The following STX18 variants were observed in gnomAD, a reference collection of about 807,000 sequenced individuals.
STX18 encodes syntaxin 18, also known as syntaxin-18.
STX18 carries 40 observed loss-of-function variants against 50.1 expected under a neutral mutation model. The observed-to-expected ratio is 0.80, with a 90% CI of 0.62 to 1.04. The LOEUF (loss-of-function observed/expected upper bound fraction) is 1.04. Among genes scored for constraint, STX18 ranks in the 50% least tolerant of loss-of-function variants. The pLI, the probability that STX18 is intolerant of heterozygous loss-of-function variation, is 0.00. For missense variants in STX18, 410 were observed against 415.8 expected (o/e 0.99, Z 0.12); for synonymous variants, 158 against 151.8 (o/e 1.04, Z -0.30).
intron 2 of STX18, among the ~76,000 whole-genome samples, chr4:4,464,917 T>G (rs1260468947): frequency 6.6e-6 from 1 of 151,910 alleles, no homozygotes; most frequent in African/African-American, 2.4e-5. Flanking sequence ...TTTTTTTGTG[T>G]GTGTCTCTAT....
intron 7 of STX18, among the ~76,000 whole-genome samples, chr4:4,432,294 G>A (rs1446918617): frequency 1.3e-5 from 2 of 152,222 alleles, no homozygotes; most frequent in Admixed American, 6.5e-5. Context: ...GTGTGAAACT[G>A]AATTGTATAT....
rs542730905 is a variant in STX18, at chr4:4,442,272, AAATT to A, written c.498-3767_498-3764del. On this transcript the variant is annotated intron_variant, in intron 5 of 10. Coordinates refer to ENST00000306200, the MANE Select transcript of STX18 (RefSeq NM_016930.4). ...CTCTCCCTACACTGTACACCAAGGT[AAATT>A]CCAAATGCATCAGAGATATACACAT... Among the ~76,000 whole-genome samples the A allele has an allele frequency of 3.5e-4, 54 of 152,310 alleles. No individual in the cohort carries two copies. In the South Asian group the frequency reaches 3.7e-3, roughly 11 times the overall value.
At chr4:4,440,455 G>C (rs1279258295) in intron 5 of STX18, among the ~76,000 whole-genome samples, 1 of 152,210 alleles carries the variant, frequency 6.6e-6, no homozygotes, top group African/African-American at 2.4e-5. Flanking sequence ...ATGACCTCAG[G>C]GAACCTAGCT....
chr4:4,475,634 T>C (rs550266969), intron 1 of STX18, among the ~76,000 whole-genome samples: 3 of 152,332 alleles, frequency 2.0e-5, no homozygotes, highest in African/African-American at 4.8e-5. Flanking sequence ...TTATAAAGAC[T>C]CTTGGCCAAG....
intron 5 of STX18, among the ~76,000 whole-genome samples, chr4:4,451,618 ATC>A (rs1726755858): frequency 1.3e-5 from 2 of 152,040 alleles, no homozygotes; most frequent in Non-Finnish European, 2.9e-5. Context: ...TATATTTCTG[ATC>A]TGTGATCAGT....
intron 2 of STX18, among the ~76,000 whole-genome samples, chr4:4,464,837 A>T (rs1032520315): frequency 6.7e-6 from 1 of 149,774 alleles, no homozygotes; most frequent in Non-Finnish European, 1.5e-5. Flanking sequence ...TATCTCATTA[A>T]TTTTTTGCAA....
chr4:4,429,189 G>C (rs1017384132), intron 7 of STX18, among the ~76,000 whole-genome samples: 1 of 152,272 alleles, frequency 6.6e-6, no homozygotes, highest in East Asian at 1.9e-4. Flanking sequence ...TTGCATAAAT[G>C]AACATATGCT....
intron 1 of STX18, among the ~76,000 whole-genome samples, chr4:4,531,056 T>C (rs951646276): frequency 6.6e-6 from 1 of 152,132 alleles, no homozygotes; most frequent in Non-Finnish European, 1.5e-5. Flanking sequence ...TAAAAATTTA[T>C]TTTTTTCCCA....
rs112848855 is a variant in STX18, at chr4:4,423,563, C to T, written c.786G>A (p.Glu262=). 1 of 1,614,208 alleles carries T rather than the reference C, an allele frequency of 6.2e-7. No individual in the cohort carries two copies. Among genetic ancestry groups the T allele is most frequent in the Non-Finnish European group, 8.5e-7 (1 of 1,180,030 alleles). ...EVRQIEGRVV[E]ISRLQEIFTE... is the part of the protein sequence containing the mutation. The stretch of plus-strand genomic sequence containing the variant: ...TGAATATCTCTTGGAGTCTGGAAAT[C>T]TCAACCACTCTCCCTTCGATTTGCC... The change falls in exon 9 of 11, where the codon GAG becomes GAA. Residue 262 remains glutamate (E), a synonymous_variant. Transcript: ENST00000306200.
Position 4,541,878 on chromosome 4 carries a change from G to T in STX18, c.87C>A (p.Gly29=). The change falls in exon 1 of 11, where the codon GGC becomes GGA. Residue 29 remains glycine, a synonymous_variant. Transcript: ENST00000306200. Reference sequence around the variant, plus strand: ...GCTCGTCCCGGCTGCCATCGACCCCGCCGCCCACCGCCACTCCCAGCGCCT... The same window carrying T: ...GCTCGTCCCGGCTGCCATCGACCCCTCCGCCCACCGCCACTCCCAGCGCCT... ...RNKALGVAVG[G]GVDGSRDELF... is the part of the protein sequence containing the mutation. 6.2e-7 allele frequency: 1 copy of T among 1,603,004 alleles called. No homozygotes were observed. Among genetic ancestry groups the T allele is most frequent in the Non-Finnish European group, 8.5e-7 (1 of 1,173,076 alleles).
chr4:4,455,685 T>A (rs1464571895), intron 5 of STX18, among the ~76,000 whole-genome samples: 2 of 152,202 alleles, frequency 1.3e-5, no homozygotes, highest in Non-Finnish European at 2.9e-5. Flanking sequence ...GAGGTGCCTA[T>A]GTGACCAGCC....
At chr4:4,501,300 T>C (rs1170380156) in intron 1 of STX18, among the ~76,000 whole-genome samples, 1 of 152,168 alleles carries the variant, frequency 6.6e-6, no homozygotes, top group African/African-American at 2.4e-5. Context: ...GCGACATGGT[T>C]CCTCATTCTG....
rs529397326 is a variant in STX18 at position 4,541,016 on chromosome 4, G to C, written c.168+781C>G. Among the ~76,000 whole-genome samples the C allele has an allele frequency of 2.1e-3, 321 of 152,212 alleles. 1 individual carries two copies. Among genetic ancestry groups the C allele is most frequent in the Non-Finnish European group, 3.5e-3 (241 of 68,014 alleles). ...CCCCACAAAACCTAGATACCTCCTTGGTGTCACGAACACAAAAGGGAACAA... is the reference window on the plus strand; with the variant it reads ...CCCCACAAAACCTAGATACCTCCTTCGTGTCACGAACACAAAAGGGAACAA... On this transcript the variant is annotated intron_variant, in intron 1 of 10. Coordinates refer to ENST00000306200, the MANE Select transcript of STX18 (RefSeq NM_016930.4).
At chr4:4,516,869 A>C (rs1196711750) in intron 1 of STX18, among the ~76,000 whole-genome samples, 1 of 152,228 alleles carries the variant, frequency 6.6e-6, no homozygotes, top group Non-Finnish European at 1.5e-5. Flanking sequence ...TTCATAGTGA[A>C]AAACAGTATC....
intron 8 of STX18, among the ~76,000 whole-genome samples, chr4:4,424,298 G>A (rs1043481868): frequency 2.8e-4 from 42 of 152,330 alleles, no homozygotes; most frequent in African/African-American, 9.9e-4. Flanking sequence ...GCGACAGGAA[G>A]TGACAGGAGG....
At chr4:4,535,285 A>G (rs1293806169) in intron 1 of STX18, among the ~76,000 whole-genome samples, 1 of 152,208 alleles carries the variant, frequency 6.6e-6, no homozygotes, top group Non-Finnish European at 1.5e-5. Context: ...GGATGATGGT[A>G]TAAATCAATT....
At chr4:4,457,157 T>A in intron 5 of STX18, 34 bp downstream of exon 5, 1 of 1,569,604 alleles carries the variant, frequency 6.4e-7, no homozygotes, top group Non-Finnish European at 8.8e-7. Flanking sequence ...AGTACTATTA[T>A]TAATTAAGAA....
chr4:4,537,775 G>A lies in STX18; in HGVS notation c.168+4022C>T, dbSNP rs531104490. On this transcript the variant is annotated intron_variant, in intron 1 of 10. Transcript: ENST00000306200. ...TTAGCCATAAGGTAACTGAAATTAA[G>A]TGGCTTCCCCAAGTTCATATAACAG... Among the ~76,000 whole-genome samples, 180 of 152,260 alleles carry A rather than the reference G, an allele frequency of 1.2e-3. 2 individuals carry two copies. The highest frequency in any genetic ancestry group is 2.2e-3 in the Non-Finnish European group (148 of 68,010).
At chr4:4,535,674 A>T (rs941368314) in intron 1 of STX18, among the ~76,000 whole-genome samples, 4 of 152,198 alleles carry the variant, frequency 2.6e-5, no homozygotes, top group African/African-American at 4.8e-5. Context: ...TGCCATATTT[A>T]AAAAGAAATC....
Sources: allele counts gnomAD v4.1 joint callset (sites outside exome capture counted in the v4.1 genomes callset), GRCh38; gene constraint gnomAD v4.1.1; transcripts MANE v1.5; gene names NCBI Gene and HGNC (gene_info 2026-07-23, HGNC 2026-07-21).